The following PVT1 variants were observed in gnomAD, a reference collection of about 807,000 sequenced individuals.
PVT1 encodes CXCR4/PVT1 fusion.
At chr8:128,030,127 T>C (rs1315128771) in intron 4 of PVT1, among the ~76,000 whole-genome samples, 1 of 151,940 alleles carries the variant, frequency 6.6e-6, no homozygotes, top group African/African-American at 2.4e-5. Context: ...AAAAGAAAAA[T>C]TAAAAAAACC....
At chr8:127,960,242 G>A (rs1816624145) in intron 3 of PVT1, among the ~76,000 whole-genome samples, 1 of 152,122 alleles carries the variant, frequency 6.6e-6, no homozygotes, top group South Asian at 2.1e-4. Flanking sequence ...GGGGTACATG[G>A]GGAAGCTGAG....
intron 5 of PVT1, among the ~76,000 whole-genome samples, chr8:128,076,227 G>C (rs1323397399): frequency 6.6e-6 from 1 of 152,140 alleles, no homozygotes; most frequent in Non-Finnish European, 1.5e-5. Context: ...CTGCACAATG[G>C]ACCCAGTGAG....
chr8:127,975,078 T>A (rs185653404), intron 3 of PVT1, among the ~76,000 whole-genome samples: 1 of 152,332 alleles, frequency 6.6e-6, no homozygotes, highest in East Asian at 1.9e-4. Flanking sequence ...TTGTTAAAAA[T>A]TAAAGTGCCT....
intron 2 of PVT1, chr8:127,855,234 GA>G (rs2129740786): frequency 2.5e-6 from 1 of 398,844 alleles, no homozygotes; most frequent in Non-Finnish European, 4.4e-6. Flanking sequence ...TGTCACTGTG[GA>G]TTGAGCCGGT....
intron 3 of PVT1, among the ~76,000 whole-genome samples, chr8:127,969,731 T>C (rs937745380): frequency 4.6e-5 from 7 of 152,150 alleles, no homozygotes; most frequent in African/African-American, 1.2e-4. Flanking sequence ...GCTGAGTGGA[T>C]GAATATAGCT....
chr8:128,087,836 T>C (rs1814279105), intron 5 of PVT1, among the ~76,000 whole-genome samples: 1 of 133,654 alleles, frequency 7.5e-6, no homozygotes, highest in Admixed American at 9.3e-5. Context: ...CACTGCAACC[T>C]CCACCTTCCA....
At chr8:127,948,552 C>G (rs1267644419) in intron 3 of PVT1, 2 of 153,968 alleles carry the variant, frequency 1.3e-5, no homozygotes, top group African/African-American at 4.8e-5. Context: ...ACCCATACCT[C>G]AGAACGTGAC....
At chr8:127,985,817 C>T (rs1231941116) in intron 3 of PVT1, among the ~76,000 whole-genome samples, 2 of 152,140 alleles carry the variant, frequency 1.3e-5, no homozygotes, top group African/African-American at 2.4e-5. Context: ...TTGCAGTGGG[C>T]GATGGTGTTT....
intron 3 of PVT1, among the ~76,000 whole-genome samples, chr8:127,925,052 A>G (rs559577706): frequency 2.6e-4 from 39 of 152,264 alleles, no homozygotes; most frequent in African/African-American, 8.7e-4. Flanking sequence ...ATTAGCAGTC[A>G]CCTCTTTATT....
At chr8:127,871,338 T>C (rs1815349611) in intron 2 of PVT1, among the ~76,000 whole-genome samples, 1 of 152,256 alleles carries the variant, frequency 6.6e-6, no homozygotes, top group South Asian at 2.1e-4. Flanking sequence ...AGAATAAATG[T>C]GTTTTTTACT....
At chr8:128,086,577 G>T (rs1039232613) in intron 5 of PVT1, among the ~76,000 whole-genome samples, 37 of 152,276 alleles carry the variant, frequency 2.4e-4, no homozygotes, top group African/African-American at 8.2e-4. Flanking sequence ...GTCATAAAAG[G>T]CTCCAACAAA....
intron 2 of PVT1, among the ~76,000 whole-genome samples, chr8:127,844,774 C>T (rs1001959779): frequency 4.6e-5 from 7 of 151,906 alleles, no homozygotes; most frequent in South Asian, 2.1e-4. Flanking sequence ...AGTGCAGTGG[C>T]ACGATCTCGG....
At chr8:127,917,773 G>A (rs1280800492) in intron 3 of PVT1, among the ~76,000 whole-genome samples, 1 of 152,252 alleles carries the variant, frequency 6.6e-6, no homozygotes, top group Admixed American at 6.5e-5. Context: ...TGCCTCTGCA[G>A]TGGTGGCAGC....
intron 3 of PVT1, among the ~76,000 whole-genome samples, chr8:127,928,361 A>G (rs1816158180): frequency 6.6e-6 from 1 of 152,134 alleles, no homozygotes; most frequent in Admixed American, 6.5e-5. Flanking sequence ...GTGAATTTCC[A>G]CTTGCTCAGG....
intron 3 of PVT1, among the ~76,000 whole-genome samples, chr8:127,965,817 C>T (rs1035542246): frequency 3.9e-5 from 6 of 152,152 alleles, no homozygotes; most frequent in African/African-American, 7.2e-5. Flanking sequence ...GTTCAGAGTC[C>T]GCCAGGAGCT....
At chr8:127,967,669 G>A (rs941745485) in intron 3 of PVT1, among the ~76,000 whole-genome samples, 1 of 152,200 alleles carries the variant, frequency 6.6e-6, no homozygotes, top group Non-Finnish European at 1.5e-5. Flanking sequence ...CTGAATAAAG[G>A]ACAGCTTGCC....
intron 3 of PVT1, among the ~76,000 whole-genome samples, chr8:127,950,747 C>T (rs752519982): frequency 9.2e-5 from 14 of 152,306 alleles, no homozygotes; most frequent in Non-Finnish European, 1.8e-4. Flanking sequence ...ACTCAAGATT[C>T]AGGTGCTCAC....
chr8:127,857,632 G>C (rs1638978159), intron 2 of PVT1, among the ~76,000 whole-genome samples: 1 of 152,162 alleles, frequency 6.6e-6, no homozygotes, highest in Non-Finnish European at 1.5e-5. Flanking sequence ...AGTGTGCAGT[G>C]ATCACACCAC....
intron 4 of PVT1, among the ~76,000 whole-genome samples, chr8:128,013,862 A>G (rs1817342224): frequency 6.6e-6 from 1 of 152,240 alleles, no homozygotes; most frequent in Non-Finnish European, 1.5e-5. Context: ...CTGGACCAAA[A>G]TGAACAAAAA....
Sources: allele counts gnomAD v4.1 joint callset (sites outside exome capture counted in the v4.1 genomes callset), GRCh38; gene constraint gnomAD v4.1.1; transcripts MANE v1.5; gene names NCBI Gene and HGNC (gene_info 2026-07-23, HGNC 2026-07-21).